Variants in BCAP29 observed in about 807,000 individuals in gnomAD.
BCAP29 encodes B cell receptor associated protein 29.
BCAP29 carries 34 observed loss-of-function variants against 31.8 expected under a neutral mutation model. The ratio of observed to expected loss-of-function variants is 1.07; its 90% CI spans 0.81 to 1.42. The LOEUF is 1.42. BCAP29 is among the 40% of genes most tolerant of loss of function. The pLI, the probability that BCAP29 is intolerant of heterozygous loss-of-function variation, is 0.00. For missense variants in BCAP29, 314 were observed against 269.2 expected (o/e 1.17, Z -1.16); for synonymous variants, 104 against 91.3 (o/e 1.14, Z -0.79).
intron 4 of BCAP29, among the ~76,000 whole-genome samples, chr7:107,594,724 G>C (rs887311676): frequency 2.6e-5 from 4 of 151,942 alleles, no homozygotes; most frequent in Non-Finnish European, 5.9e-5. Flanking sequence ...GGATGGTCTC[G>C]ATCTCCTGAC....
intron 4 of BCAP29, 169 bp from the exon 5 acceptor site, chr7:107,595,698 G>C: frequency 1.7e-6 from 1 of 573,644 alleles, no homozygotes; most frequent in Non-Finnish European, 2.8e-6. Flanking sequence ...TGAGACACGG[G>C]CCTGTTTTTA....
rs139620481 is a variant in BCAP29 at position 107,609,114 on chromosome 7, A to G, written c.590-4218A>G. On this transcript the variant is annotated intron_variant, in intron 6 of 7. Coordinates refer to ENST00000005259, the MANE Select transcript of BCAP29 (RefSeq NM_018844.4). ...CTTGACATTTTAAAGGATGACATTA[A>G]TTAGCCAGATGAAGTAGGAGGAGAT... Among the ~76,000 whole-genome samples the G allele has an allele frequency of 4.5e-3, 686 of 152,338 alleles. 10 individuals are homozygous for G. The highest frequency in any genetic ancestry group is 0.016 in the African/African-American group (648 of 41,584).
At chr7:107,581,180 A>G (rs1229704092) in intron 2 of BCAP29, among the ~76,000 whole-genome samples, 1 of 152,158 alleles carries the variant, frequency 6.6e-6, no homozygotes, top group Non-Finnish European at 1.5e-5. Flanking sequence ...CCTTTGTTTT[A>G]TTGCCCTGAA....
At position 107,595,659 on chromosome 7, in the gene BCAP29, C is replaced by T. The variant is rs146386001; in HGVS notation, c.345-208C>T. On this transcript the variant is annotated intron_variant, in intron 4 of 7. Transcript: ENST00000005259. ...TACCACTGAACCTGTATTCTAAATG[C>T]TGGTCTTCTAACAAAGATTCCAAAG... Among the ~76,000 whole-genome samples the T allele has an allele frequency of 1.6e-4, 24 of 152,208 alleles. No individual in the cohort carries two copies. The East Asian group carries it at 3.9e-3, about 24-fold the overall frequency.
chr7:107,600,577 C>T, intron 6 of BCAP29, 72 bp downstream of exon 6: 1 of 846,466 alleles, frequency 1.2e-6, no homozygotes, highest in Non-Finnish European at 1.8e-6. Flanking sequence ...CACTGTTTTT[C>T]CTAAAACAAA....
intron 6 of BCAP29, among the ~76,000 whole-genome samples, chr7:107,601,963 T>G (rs1271420289): frequency 6.6e-6 from 1 of 152,218 alleles, no homozygotes; most frequent in African/African-American, 2.4e-5. Flanking sequence ...ATTCCAGCTC[T>G]GAGATATTTT....
At chr7:107,583,438 C>T (rs767029688) in intron 2 of BCAP29, among the ~76,000 whole-genome samples, 26 of 151,980 alleles carry the variant, frequency 1.7e-4, no homozygotes, top group African/African-American at 5.8e-4. Flanking sequence ...TTGGAGTATA[C>T]GTTAAAATTG....
At chr7:107,621,760 T>A (rs1562804078), downstream of BCAP29, 1 of 473,258 alleles carries the variant, frequency 2.1e-6, no homozygotes, top group East Asian at 6.9e-5. Flanking sequence ...AAGAACAGAT[T>A]CTTCCCCAGA....
intron 7 of BCAP29, among the ~76,000 whole-genome samples, chr7:107,617,068 T>C (rs1814318922): frequency 6.6e-6 from 1 of 152,174 alleles, no homozygotes; most frequent in African/African-American, 2.4e-5. Context: ...TCTTGTGCTT[T>C]AATGTTCGTC....
intron 7 of BCAP29, among the ~76,000 whole-genome samples, chr7:107,614,307 T>C (rs1329776896): frequency 1.3e-5 from 2 of 152,246 alleles, no homozygotes; most frequent in Non-Finnish European, 2.9e-5. Context: ...ACTATACTCA[T>C]AGACTTTGTA....
chr7:107,596,160 C>A (rs1043119523), intron 5 of BCAP29, among the ~76,000 whole-genome samples, 158 bp downstream of exon 5: 1 of 152,024 alleles, frequency 6.6e-6, no homozygotes, highest in Non-Finnish European at 1.5e-5. Flanking sequence ...AATAGTTTTA[C>A]TGTTCTTTAG....
chr7:107,594,809 T>G (rs1809520233), intron 4 of BCAP29, among the ~76,000 whole-genome samples: 1 of 152,150 alleles, frequency 6.6e-6, no homozygotes, highest in African/African-American at 2.4e-5. Context: ...GCCTGTAGAT[T>G]TTTTTATAAC....
At chr7:107,604,108 A>G (rs563587280) in intron 6 of BCAP29, among the ~76,000 whole-genome samples, 71 of 152,270 alleles carry the variant, frequency 4.7e-4, no homozygotes, top group African/African-American at 1.7e-3. Context: ...CACGCAATAG[A>G]GATACTAGAT....
chr7:107,606,952 G>A (rs1812208347), intron 6 of BCAP29, among the ~76,000 whole-genome samples: 2 of 152,038 alleles, frequency 1.3e-5, no homozygotes, highest in Non-Finnish European at 2.9e-5. Flanking sequence ...GTAACACAAG[G>A]CTTATAATGA....
chr7:107,618,024 A>G (rs1814504136), intron 7 of BCAP29, among the ~76,000 whole-genome samples: 1 of 152,178 alleles, frequency 6.6e-6, no homozygotes, highest in African/African-American at 2.4e-5. Flanking sequence ...TTTACCAAAA[A>G]CCTTAATTGG....
At chr7:107,593,110 G>A (rs1809175539) in intron 3 of BCAP29, among the ~76,000 whole-genome samples, 2 of 152,082 alleles carry the variant, frequency 1.3e-5, no homozygotes, top group Admixed American at 6.5e-5. Flanking sequence ...AGTCAAAAAG[G>A]CCCCAGTTTT....
At chr7:107,615,388 A>C (rs999990372) in intron 7 of BCAP29, 13 of 450,842 alleles carry the variant, frequency 2.9e-5, no homozygotes, top group South Asian at 2.0e-4. Context: ...GGATCATGGG[A>C]GATCAAGACC....
At chr7:107,591,657 C>CACACACACACACACA (rs1554475285) in intron 3 of BCAP29, among the ~76,000 whole-genome samples, 1 of 69,790 alleles carries the variant, frequency 1.4e-5, no homozygotes, top group African/African-American at 3.9e-5. Context: ...CACACACACA[C>CACACACACACACACA]CCTATTGGTT....
intron 3 of BCAP29, chr7:107,587,666 TTATATAAC>T (rs1807958100): frequency 6.6e-6 from 1 of 152,080 alleles, no homozygotes; most frequent in South Asian, 2.1e-4. Context: ...AGAGACTACT[TTATATAAC>T]TATGCAAATA....
Sources: allele counts gnomAD v4.1 joint callset (sites outside exome capture counted in the v4.1 genomes callset), GRCh38; gene constraint gnomAD v4.1.1; transcripts MANE v1.5; gene names NCBI Gene and HGNC (gene_info 2026-07-23, HGNC 2026-07-21).